CPM: variants seen among roughly 807,000 people sequenced by gnomAD.
The protein encoded by CPM is renal carboxypeptidase.
Under a neutral mutation model 46.4 loss-of-function variants are expected in CPM, and 35 were observed. That is an observed-to-expected ratio of 0.75 (90% CI 0.58 to 1.00). CPM has a LOEUF of 1.00. Among genes scored for constraint, CPM ranks in the 50% least tolerant of loss-of-function variants. The pLI, the probability that CPM is intolerant of heterozygous loss-of-function variation, is 0.00. For synonymous variants in CPM, 195 were observed against 195.3 expected (o/e 1.00, Z 0.01); for missense variants, 422 against 530.4 (o/e 0.80, Z 2.01).
chr12:68,858,890 T>G, intron 8 of CPM, 33 bp downstream of exon 8: 4 of 1,328,936 alleles, frequency 3.0e-6, no homozygotes, highest in Non-Finnish European at 4.0e-6. Context: ...TTCTATAATA[T>G]TTTAATAACA....
At chr12:68,950,025 C>T (rs1023281101) in intron 1 of CPM, among the ~76,000 whole-genome samples, 2 of 152,070 alleles carry the variant, frequency 1.3e-5, no homozygotes, top group African/African-American at 4.8e-5. Flanking sequence ...TCCTCTGAGG[C>T]CAGAGGATGC....
chr12:68,858,966 C>T lies in CPM; in HGVS notation c.1046G>A (p.Gly349Glu). ...HICPYRTNKY[G>E]EYYLLLLPGS... ...AGGCAAGAGAAGGAGATAATACTCT[C>T]CATATTTGTTGGTTCTATAGGGGCA... The change falls in exon 8 of 9, where the codon GGA (glycine) becomes GAA (glutamate). Residue 349 changes from glycine (G) to glutamate (E), a missense_variant. By Grantham distance (98) the Gly-to-Glu change is moderately conservative. Coordinates refer to ENST00000551568, the MANE Select transcript of CPM (RefSeq NM_198320.5). The T allele has an allele frequency of 6.4e-7, 1 of 1,556,078 alleles. No individual in the cohort carries two copies. The highest frequency in any genetic ancestry group is 8.7e-7 in the Non-Finnish European group (1 of 1,150,186).
chr12:68,863,758 T>G (rs982411099), intron 7 of CPM, among the ~76,000 whole-genome samples: 6 of 152,148 alleles, frequency 3.9e-5, no homozygotes, highest in African/African-American at 1.4e-4. Flanking sequence ...CCAGACAAGG[T>G]GGCTCAGAGA....
intron 2 of CPM, among the ~76,000 whole-genome samples, chr12:68,913,270 AAG>A (rs972799649): frequency 4.6e-5 from 7 of 152,270 alleles, no homozygotes; most frequent in Admixed American, 4.6e-4. Flanking sequence ...TCCCTCAATG[AAG>A]TCTGAATCTC....
chr12:68,945,312 A>G (rs1888828860), intron 1 of CPM, among the ~76,000 whole-genome samples: 1 of 152,214 alleles, frequency 6.6e-6, no homozygotes. Context: ...TTGTGCCCCC[A>G]GGAATTAGCA....
Position 68,854,451 on chromosome 12 carries a change from C to T in CPM, c.*1986G>A, listed in dbSNP as rs1209136524. The T allele has an allele frequency of 6.6e-6, 1 of 152,260 alleles. No individual in the cohort carries two copies. Among genetic ancestry groups the T allele is most frequent in the African/African-American group, 2.4e-5 (1 of 41,532 alleles). The allele number at this position is 152,260 out of a possible 1,614,324, so 9.4% of individuals were successfully genotyped here. A position where few individuals can be genotyped will look rare whatever the true frequency, so the allele number is the denominator to read the frequency against. On this transcript the variant is annotated 3_prime_UTR_variant, in exon 9 of 9. Transcript: ENST00000551568. ...GTTGTAAATCCAATAGTAGAGATAA[C>T]CAGTTTATTTTGGGGAGCAAAGAGA...
At chr12:68,874,097 G>A (rs1419064380) in intron 3 of CPM, among the ~76,000 whole-genome samples, 3 of 152,032 alleles carry the variant, frequency 2.0e-5, no homozygotes, top group Admixed American at 2.0e-4. Flanking sequence ...GAGCCACCGC[G>A]CCCGGCCAGA....
At chr12:68,900,558 C>T (rs1144957) in intron 2 of CPM, among the ~76,000 whole-genome samples, 121,294 of 152,168 alleles carry the variant, frequency 0.8, 48,779 homozygotes, top group African/African-American at 0.92. Flanking sequence ...TGAAAACTTA[C>T]GTCCATATAA....
intron 2 of CPM, among the ~76,000 whole-genome samples, chr12:68,907,516 T>G (rs997855140): frequency 6.6e-6 from 1 of 152,172 alleles, no homozygotes; most frequent in Non-Finnish European, 1.5e-5. Flanking sequence ...GTTTGATAGA[T>G]GCATTGGAAC....
intron 3 of CPM, among the ~76,000 whole-genome samples, chr12:68,879,628 G>A (rs1886103466): frequency 6.6e-6 from 1 of 152,134 alleles, no homozygotes; most frequent in Non-Finnish European, 1.5e-5. Flanking sequence ...ACCTCCCAAA[G>A]TGATGGGATT....
At chr12:68,846,698 C>T (rs540683746), downstream of CPM, 6 of 152,212 alleles carry the variant, frequency 3.9e-5, no homozygotes, top group African/African-American at 1.4e-4. Flanking sequence ...TTATTTTAGA[C>T]TTTTAGAACA....
chr12:68,855,408 G>C lies in CPM; in HGVS notation c.*1029C>G, dbSNP rs1301536066. On this transcript the variant is annotated 3_prime_UTR_variant, in exon 9 of 9. Transcript: ENST00000551568. ...AGTCTGAAGCTCAGGCAAGAGGCTA[G>C]AGTTACATCTTTGGAGTCATCAGCC... 1.3e-5 allele frequency: 2 copies of C among 152,262 alleles called. No individual in the cohort carries two copies. The highest frequency in any genetic ancestry group is 2.9e-5 in the Non-Finnish European group (2 of 68,114). 9.4% of individuals were successfully genotyped at this position (152,262 alleles called of 1,614,324 possible). A position where few individuals can be genotyped will look rare whatever the true frequency, so the allele number is the denominator to read the frequency against.
intron 3 of CPM, among the ~76,000 whole-genome samples, chr12:68,874,530 C>T (rs1354800750): frequency 2.6e-5 from 4 of 152,050 alleles, no homozygotes; most frequent in South Asian, 2.1e-4. Flanking sequence ...GCACAAGAAT[C>T]GCTTGAACCT....
At chr12:68,861,464 C>A (rs1223543102) in intron 7 of CPM, among the ~76,000 whole-genome samples, 2 of 152,014 alleles carry the variant, frequency 1.3e-5, no homozygotes, top group Non-Finnish European at 2.9e-5. Context: ...TCCCCAAAAC[C>A]AACCAAATCG....
intron 2 of CPM, among the ~76,000 whole-genome samples, chr12:68,897,490 G>A (rs1565786272): frequency 6.6e-6 from 1 of 152,046 alleles, no homozygotes; most frequent in Non-Finnish European, 1.5e-5. Context: ...AATACTTAAA[G>A]AGATTTCTTG....
chr12:68,899,844 G>A (rs1887042759), intron 2 of CPM, among the ~76,000 whole-genome samples: 1 of 152,198 alleles, frequency 6.6e-6, no homozygotes, highest in Non-Finnish European at 1.5e-5. Context: ...AAGAAGTCAT[G>A]CTTAGGAGAT....
chr12:68,850,969 AAT>A (rs1884644947), downstream of CPM, among the ~76,000 whole-genome samples: 1 of 152,124 alleles, frequency 6.6e-6, no homozygotes, highest in East Asian at 1.9e-4. Context: ...TATTATATAT[AAT>A]ATATATAACA....
intron 2 of CPM, among the ~76,000 whole-genome samples, chr12:68,889,358 C>A (rs1886560648): frequency 1.3e-5 from 2 of 151,762 alleles, no homozygotes; most frequent in African/African-American, 4.8e-5. Context: ...GTTAGGTGTC[C>A]AATGATAAGG....
Position 68,878,012 on chromosome 12 carries a change from T to C in CPM, c.259-6056A>G, listed in dbSNP as rs188524735. On this transcript the variant is annotated intron_variant, in intron 3 of 8. Coordinates refer to ENST00000551568, the MANE Select transcript of CPM (RefSeq NM_198320.5). ...TTCAGGTTGACAAATATGGCCACTATTACCCAGGGAATGTTTTCTCTTTTC... is the reference window on the plus strand; with the variant it reads ...TTCAGGTTGACAAATATGGCCACTACTACCCAGGGAATGTTTTCTCTTTTC... 5.9e-5 allele frequency among the ~76,000 whole-genome samples: 9 copies of C among 152,376 alleles called. No individual in the cohort carries two copies. The East Asian group carries it at 1.3e-3, about 23-fold the overall frequency.
Sources: gnomAD v4.1 joint callset for allele counts (sites outside exome capture counted in the v4.1 genomes callset) on GRCh38, gnomAD v4.1.1 for gene constraint, MANE v1.5 for transcripts, NCBI Gene and HGNC (gene_info 2026-07-23, HGNC 2026-07-21) for gene names.